ALDH6A1: variants seen among roughly 807,000 people sequenced by gnomAD.
The protein encoded by ALDH6A1 is methylmalonate-semialdehyde/malonate-semialdehyde dehydrogenase [acylating], mitochondrial.
In ALDH6A1, 43 loss-of-function variants were observed where a neutral mutation model predicts 62.6. That is an observed-to-expected ratio of 0.69 (90% confidence interval 0.54 to 0.89). The LOEUF (loss-of-function observed/expected upper bound fraction) is 0.89. Ranked by LOEUF, ALDH6A1 falls within the 40% of genes least tolerant of loss-of-function variation. The probability of loss-of-function intolerance (pLI) is 0.00; values close to 1 mark genes in which losing one functional copy is unlikely to be tolerated. For synonymous variants in ALDH6A1, 194 were observed against 234.2 expected (o/e 0.83, Z 1.57); for missense variants, 551 against 661.3 (o/e 0.83, Z 1.83).
intron 11 of ALDH6A1, among the ~76,000 whole-genome samples, chr14:74,060,955 T>A (rs1173571780): frequency 6.6e-6 from 1 of 151,988 alleles, no homozygotes; most frequent in African/African-American, 2.4e-5. Flanking sequence ...ACCTTAGCCA[T>A]CATTATTATG....
chr14:74,064,777 A>G (rs1442986560), intron 11 of ALDH6A1, 45 bp downstream of exon 11: 3 of 1,612,122 alleles, frequency 1.9e-6, no homozygotes, highest in Non-Finnish European at 2.5e-6. Flanking sequence ...TATCTTTAAG[A>G]AAATTTCTTA....
At position 74,057,195 on chromosome 14, in the gene ALDH6A1, A is replaced by G. The variant is rs1306764171; in HGVS notation, c.*3447T>C. ...TCTTCATCACCCAGCAAATTGCAAT[A>G]TCAGACTCTTCTGGTGAAGTGGTGC... is the stretch of plus-strand genomic sequence containing the variant. On this transcript the variant is annotated 3_prime_UTR_variant, in exon 12 of 12. Transcript: ENST00000553458. The G allele has an allele frequency of 2.5e-6, 4 of 1,614,076 alleles. No homozygotes were observed. The highest frequency in any genetic ancestry group is 3.4e-6 in the Non-Finnish European group (4 of 1,179,934).
intron 10 of ALDH6A1, 117 bp downstream of exon 10, chr14:74,065,064 G>A (rs2060438438): frequency 7.1e-7 from 1 of 1,400,046 alleles, no homozygotes; most frequent in Non-Finnish European, 1.0e-6. Flanking sequence ...GGAAGAAATG[G>A]GGCAATGTGG....
intron 11 of ALDH6A1, 157 bp downstream of exon 11, chr14:74,064,662 TTTG>T: frequency 6.2e-7 from 1 of 1,613,644 alleles, no homozygotes; most frequent in Non-Finnish European, 8.5e-7. Context: ...TTGGCAAAAT[TTTG>T]TTAACTTTTA....
intron 9 of ALDH6A1, 141 bp from the exon 10 acceptor site, chr14:74,065,501 T>A: frequency 2.4e-6 from 2 of 816,554 alleles, no homozygotes; most frequent in African/African-American, 1.7e-5. Context: ...TCAAATCACC[T>A]ATTTAAAAAA....
At chr14:74,077,610 C>G (rs1360834785) in intron 1 of ALDH6A1, among the ~76,000 whole-genome samples, 2 of 152,126 alleles carry the variant, frequency 1.3e-5, no homozygotes, top group African/African-American at 4.8e-5. Flanking sequence ...CCCATGGGAA[C>G]TAATCCAGTC....
chr14:74,066,236 T>C, intron 9 of ALDH6A1: 1 of 205,312 alleles, frequency 4.9e-6, no homozygotes, highest in Non-Finnish European at 1.0e-5. Flanking sequence ...TGGCAAACTA[T>C]AGCCTGTGGG....
At chr14:74,082,619 C>T (rs1052664998) in intron 1 of ALDH6A1, among the ~76,000 whole-genome samples, 2 of 151,956 alleles carry the variant, frequency 1.3e-5, no homozygotes, top group South Asian at 4.2e-4. Context: ...AGGCTGGTCT[C>T]GAACTCCTGA....
intron 1 of ALDH6A1, among the ~76,000 whole-genome samples, chr14:74,080,902 CA>C (rs1293511845): frequency 1.3e-5 from 2 of 152,236 alleles, no homozygotes; most frequent in Non-Finnish European, 2.9e-5. Flanking sequence ...GAAAACGCTA[CA>C]TAGTATCTTT....
intron 11 of ALDH6A1, among the ~76,000 whole-genome samples, chr14:74,061,938 G>A (rs746973406): frequency 2.6e-5 from 4 of 151,704 alleles, no homozygotes; most frequent in Non-Finnish European, 4.4e-5. Flanking sequence ...AGCCAGGAGC[G>A]GTGGCTCACA....
rs1429167813 is a variant in ALDH6A1, at chr14:74,072,212, T to C, written c.339A>G (p.Lys113=). 1 of 1,614,208 alleles carries C rather than the reference T, an allele frequency of 6.2e-7. No individual in the cohort carries two copies. Among genetic ancestry groups the C allele is most frequent in the Admixed American group, 1.7e-5 (1 of 60,022 alleles). ...QVLLRYQQLI[K]ENLKEIAKLI... Reference sequence around the variant, plus strand: ...CATTTAGATTTCATACCAAGTTTTCTTTAATAAGTTGTTGATAGCGGAGCA... The same window carrying C: ...CATTTAGATTTCATACCAAGTTTTCCTTAATAAGTTGTTGATAGCGGAGCA... The change falls in exon 4 of 12, where the codon AAA becomes AAG. Residue 113 remains lysine, a synonymous_variant. Transcript: ENST00000553458.
chr14:74,069,127 C>G, intron 6 of ALDH6A1, 146 bp from the exon 7 acceptor site: 1 of 672,906 alleles, frequency 1.5e-6, no homozygotes, highest in Non-Finnish European at 2.1e-6. Flanking sequence ...TTTTTTGAGA[C>G]GGAGTCTCGC....
intron 11 of ALDH6A1, 131 bp from the exon 12 acceptor site, chr14:74,060,877 A>G (rs998354095): frequency 4.3e-6 from 3 of 702,336 alleles, no homozygotes; most frequent in Admixed American, 4.3e-5. Context: ...AGAATCCAAT[A>G]TATATTGTTC....
chr14:74,066,851 T>A lies in ALDH6A1; in HGVS notation c.1078A>T (p.Thr360Ser). Reference protein sequence around the residue: ...QPGADLGPLITPQAKERVCNL... With the variant: ...QPGADLGPLISPQAKERVCNL... ...CAGACTCGCTCTTTGGCCTGGGGAG[T>A]GATCAGAGGGCCAAGATCAGCTCCA... The change falls in exon 9 of 12, where the codon ACT becomes TCT. Residue 360 changes from threonine (T) to serine (S), a missense_variant. Transcript: ENST00000553458. The A allele has an allele frequency of 6.2e-7, 1 of 1,613,766 alleles. No homozygotes were observed. The highest frequency in any genetic ancestry group is 8.5e-7 in the Non-Finnish European group (1 of 1,179,952).
Position 74,067,432 on chromosome 14 carries a change from C to A in ALDH6A1, c.990G>T (p.Lys330Asn). ...LSTAVLVGEAKKWLPELVEHA... is the reference protein window; with the variant it reads ...LSTAVLVGEANKWLPELVEHA... ...GCTCCACCAGCTCTGGCAGCCACTT[C>A]TTGGCTTCTCCCACAAGGACTGCTG... The change falls in exon 8 of 12, where the codon AAG becomes AAT. Residue 330 changes from lysine to asparagine, a missense_variant. Physicochemically the swap from Lys to Asn is moderately conservative, Grantham distance 94 (BLOSUM62 0). Coordinates refer to ENST00000553458, the MANE Select transcript of ALDH6A1 (RefSeq NM_005589.4). The A allele has an allele frequency of 6.2e-7, 1 of 1,614,148 alleles. No individual in the cohort carries two copies. Among genetic ancestry groups the A allele is most frequent in the Non-Finnish European group, 8.5e-7 (1 of 1,180,052 alleles).
rs2060275428 is a variant in ALDH6A1, at chr14:74,058,768, T to A, written c.*1874A>T. 6.6e-6 allele frequency: 1 copy of A among 152,670 alleles called. No homozygotes were observed. Among genetic ancestry groups the A allele is most frequent in the South Asian group, 2.1e-4 (1 of 4,862 alleles). 9.5% of individuals were successfully genotyped at this position (152,670 alleles called of 1,614,324 possible). ...CATGAATTTCTGTTCTGACCTTAAG[T>A]TTAGATATATCAAAGAAACAAAAAG... On this transcript the variant is annotated 3_prime_UTR_variant, in exon 12 of 12. Coordinates refer to ENST00000553458, the MANE Select transcript of ALDH6A1 (RefSeq NM_005589.4).
At chr14:74,063,493 T>C (rs1466268592) in intron 11 of ALDH6A1, among the ~76,000 whole-genome samples, 1 of 152,008 alleles carries the variant, frequency 6.6e-6, no homozygotes, top group Non-Finnish European at 1.5e-5. Flanking sequence ...CCAATAGTGA[T>C]AATTCAGTCC....
At chr14:74,065,735 C>T (rs1463203529) in intron 9 of ALDH6A1, 3 of 228,684 alleles carry the variant, frequency 1.3e-5, no homozygotes, top group Non-Finnish European at 2.6e-5. Flanking sequence ...GTAAATATAC[C>T]AGGATAATTT....
At position 74,058,006 on chromosome 14, in the gene ALDH6A1, C is replaced by T; in HGVS notation, c.*2636G>A. The T allele has an allele frequency of 5.6e-6, 4 of 708,318 alleles. No homozygotes were observed. Among genetic ancestry groups the T allele is most frequent in the Non-Finnish European group, 6.9e-6 (4 of 575,782 alleles). The allele number at this position is 708,318 out of a possible 1,614,324, so 43.9% of individuals were successfully genotyped here. On this transcript the variant is annotated 3_prime_UTR_variant, in exon 12 of 12. Transcript: ENST00000553458. ...GACAATAATGACCTTTTATTTAACC[C>T]AGCCTATAGTTGTTGGATTGGATTA...
Sources: allele counts gnomAD v4.1 joint callset (sites outside exome capture counted in the v4.1 genomes callset), GRCh38; gene constraint gnomAD v4.1.1; transcripts MANE v1.5; gene names NCBI Gene and HGNC (gene_info 2026-07-23, HGNC 2026-07-21).